ABCC5: variants seen among roughly 807,000 people sequenced by gnomAD.
ABCC5 encodes the protein ATP binding cassette subfamily C member 5.
A neutral mutation model predicts 160.9 loss-of-function variants in ABCC5; 61 were observed. The ratio of observed to expected loss-of-function variants is 0.38; its 90% CI spans 0.31 to 0.47. The LOEUF is 0.47. ABCC5 is among the 20% of genes least tolerant of loss of function. ABCC5 has a pLI of 0.99. For synonymous variants in ABCC5, 666 were observed against 700.6 expected (o/e 0.95, Z 0.78); for missense variants, 1,308 against 1,813.3 (o/e 0.72, Z 5.06).
chr3:183,947,224 T>C, intron 23 of ABCC5, 100 bp downstream of exon 23: 2 of 1,276,306 alleles, frequency 1.6e-6, no homozygotes, highest in South Asian at 1.9e-5. Context: ...AGAGGTGAAA[T>C]AATGGCTCAG....
At chr3:184,014,524 A>T in intron 1 of ABCC5, 77 bp from the exon 2 acceptor site, 3 of 764,950 alleles carry the variant, frequency 3.9e-6, no homozygotes, top group Non-Finnish European at 5.3e-6. Flanking sequence ...CCTTAAAAAT[A>T]GGAAAAAAAA....
rs1156242897 is a variant in ABCC5 at position 183,982,617 on chromosome 3, T to C, written c.833A>G (p.Asn278Ser). Residue 278 changes from asparagine (N) to serine (S), a missense_variant, in exon 7 of 30, where the codon AAC (asparagine) becomes AGC (serine). Transcript: ENST00000334444. This position sits in a 1 kb window ranked among gnomAD's most constrained non-coding sequence, Gnocchi z 5.2. ...TCTCTGCCCATCGTTGGAGCAAATG[T>C]TGATGAGCTATAAGATACAAAGAGT... ...IKEKSLGELI[N>S]ICSNDGQRMF... The C allele has an allele frequency of 1.2e-6, 2 of 1,614,174 alleles. No homozygotes were observed. The highest frequency in any genetic ancestry group is 3.3e-5 in the Admixed American group (2 of 60,020).
Position 183,963,519 on chromosome 3 carries a change from T to G in ABCC5, c.2101A>C (p.Ser701Arg). Residue 701 changes from serine to arginine, a missense_variant, in exon 15 of 30, where the codon AGT becomes CGT. By Grantham distance (110) the Ser-to-Arg change is moderately radical. Around this residue, in one of 3 missense-constraint regions of ABCC5, gnomAD observed 1,142 missense variants for 1,527.1 expected, o/e 0.75. Coordinates refer to ENST00000334444, the MANE Select transcript of ABCC5 (RefSeq NM_005688.4). This position sits in a 1 kb window ranked among gnomAD's most constrained non-coding sequence, Gnocchi z 4.6. ...TCCAGGATGTAGATGCTCCTGTCAC[T>G]ATACAAGGCCCGGGCAAGGCTGATC... ...QRISLARALY[S>R]DRSIYILDDP... 1 of 1,614,230 alleles carries G rather than the reference T, an allele frequency of 6.2e-7. No individual in the cohort carries two copies. Among genetic ancestry groups the G allele is most frequent in the Non-Finnish European group, 8.5e-7 (1 of 1,180,054 alleles).
Position 183,977,376 on chromosome 3 carries a change from C to T in ABCC5, c.1404+141G>A, listed in dbSNP as rs1718310319. The stretch of plus-strand genomic sequence containing the variant: ...CTCAATTCAGTCTCCTCCACTGCCC[C>T]CTTTTTCTTACCAACTTGCCAAAAG... On this transcript the variant is annotated intron_variant, in intron 10 of 29. Transcript: ENST00000334444. The T allele has an allele frequency of 7.1e-6, 4 of 562,482 alleles. No individual in the cohort carries two copies. The South Asian group carries it at 7.6e-5, about 11-fold the overall frequency. 34.8% of individuals were successfully genotyped at this position (562,482 alleles called of 1,614,324 possible).
Position 183,993,461 on chromosome 3 carries a change from G to A in ABCC5, c.130-4078C>T, listed in dbSNP as rs1006646021. Reference sequence around the variant, plus strand: ...ATTGTGCCACTGCACTCCAGCCTGGGTGACAGAGCAAGACCCTGTCTCAAA... The same window carrying A: ...ATTGTGCCACTGCACTCCAGCCTGGATGACAGAGCAAGACCCTGTCTCAAA... On this transcript the variant is annotated intron_variant, in intron 2 of 29. Transcript: ENST00000334444. 9.2e-5 allele frequency among the ~76,000 whole-genome samples: 13 copies of A among 141,410 alleles called. No homozygotes were observed. In the South Asian group the frequency reaches 2.9e-3, roughly 32 times the overall value. 92.8% of individuals were successfully genotyped at this position (141,410 alleles called of 152,430 possible). A position where few individuals can be genotyped will look rare whatever the true frequency, so the allele number is the denominator to read the frequency against.
intron 17 of ABCC5, among the ~76,000 whole-genome samples, chr3:183,955,522 G>A (rs1715793424): frequency 6.6e-6 from 1 of 152,250 alleles, no homozygotes; most frequent in Admixed American, 6.5e-5. Flanking sequence ...GCAGGGCACA[G>A]AATTTAATTT....
rs531047220 is a variant in ABCC5, at chr3:183,951,722, G to A, written c.2814+135C>T. 9.6e-6 allele frequency: 14 copies of A among 1,459,436 alleles called. No individual in the cohort carries two copies. The highest frequency in any genetic ancestry group is 4.6e-5 in the East Asian group (2 of 43,734). 90.4% of individuals were successfully genotyped at this position (1,459,436 alleles called of 1,614,324 possible). ...CAAGTGAGAAAAGGTGGAGGCTAAC[G>A]GAATATGAGTCATCTCAGCCAGGGC... On this transcript the variant is annotated intron_variant, in intron 19 of 29. Transcript: ENST00000334444. This position sits in a 1 kb window ranked among gnomAD's most constrained non-coding sequence, Gnocchi z 4.7.
In ABCC5 at chr3:183,921,460, G is replaced by A; in HGVS notation, c.4213-59C>T. ...TCTGGGTCATGCAGGGTGATTCAGA[G>A]GATCCACGGCTCAGTAAGTGCCAGT... On this transcript the variant is annotated intron_variant, in intron 29 of 29. Transcript: ENST00000334444. The surrounding 1 kb of genome is among the most constrained non-coding windows in gnomAD (Gnocchi z 4.1). The A allele has an allele frequency of 3.3e-6, 5 of 1,534,046 alleles. No individual in the cohort carries two copies. The highest frequency in any genetic ancestry group is 4.4e-6 in the Non-Finnish European group (5 of 1,132,680).
chr3:183,952,658 G>C (rs781205658), intron 18 of ABCC5, among the ~76,000 whole-genome samples: 2 of 152,150 alleles, frequency 1.3e-5, no homozygotes, highest in Admixed American at 6.5e-5. Flanking sequence ...CGCACACGCT[G>C]TCTTGTCTCT....
In ABCC5 at chr3:183,982,847, C is replaced by T. The variant is rs767886323; in HGVS notation, c.752G>A (p.Arg251Gln). Residue 251 changes from arginine (R) to glutamine (Q), a missense_variant, in exon 6 of 30, where the codon CGG becomes CAG. By Grantham distance (43) the Arg-to-Gln change is conservative (BLOSUM62 1). Coordinates refer to ENST00000334444, the MANE Select transcript of ABCC5 (RefSeq NM_005688.4). The surrounding 1 kb of genome is among the most constrained non-coding windows in gnomAD (Gnocchi z 5.2). Reference sequence around the variant, plus strand: ...AAATGCCATGGTTAGGATGGCCCCCCGCAAGCGGACACCGGTTCGGTAATT... The same window carrying T: ...AAATGCCATGGTTAGGATGGCCCCCTGCAAGCGGACACCGGTTCGGTAATT... ...ALNYRTGVRL[R>Q]GAILTMAFKK... 7.4e-6 allele frequency: 12 copies of T among 1,614,184 alleles called. No individual in the cohort carries two copies. Among genetic ancestry groups the T allele is most frequent in the Admixed American group, 5.0e-5 (3 of 60,018 alleles).
chr3:183,996,820 C>A (rs1720326834), intron 2 of ABCC5, among the ~76,000 whole-genome samples: 2 of 152,220 alleles, frequency 1.3e-5, no homozygotes, highest in Non-Finnish European at 2.9e-5. Context: ...AAGAATCAAA[C>A]CTTGCTACTC....
rs1715590205 is a variant in ABCC5 at position 183,953,602 on chromosome 3, C to CTAT, written c.2483-335_2483-333dup. ...AAATGTGCTCAATGTGATGATAGAG[C>CTAT]TATACGCAGGGCAGCATGGGAACCC... On this transcript the variant is annotated intron_variant, in intron 17 of 29. Transcript: ENST00000334444. 3.3e-5 allele frequency among the ~76,000 whole-genome samples: 5 copies of CTAT among 152,212 alleles called. No homozygotes were observed. The South Asian group carries it at 1.0e-3, about 32-fold the overall frequency.
chr3:183,960,815 A>G (rs114374182), intron 16 of ABCC5, among the ~76,000 whole-genome samples: 2,662 of 150,632 alleles, frequency 0.018, 97 homozygotes, highest in African/African-American at 0.062. Flanking sequence ...AGATGGAATC[A>G]CGCTCTGTCA....
intron 17 of ABCC5, among the ~76,000 whole-genome samples, chr3:183,955,320 G>T (rs1335907797): frequency 6.6e-6 from 1 of 152,170 alleles, no homozygotes; most frequent in Non-Finnish European, 1.5e-5. Flanking sequence ...GTATCTTACA[G>T]CTACAAAGAG....
chr3:183,965,284 G>T, intron 13 of ABCC5, 27 bp from the exon 14 acceptor site: 1 of 1,614,218 alleles, frequency 6.2e-7, no homozygotes, highest in South Asian at 1.1e-5. Flanking sequence ...GACAGCGTCA[G>T]GGACACGGCG....
intron 5 of ABCC5, chr3:183,984,080 G>A: frequency 1.0e-6 from 1 of 985,340 alleles, no homozygotes; most frequent in Non-Finnish European, 1.2e-6. Flanking sequence ...AGACCTTGCT[G>A]CTAAGGAAAG....
chr3:183,976,524 G>A (rs1030678288), intron 10 of ABCC5, among the ~76,000 whole-genome samples: 4 of 152,072 alleles, frequency 2.6e-5, no homozygotes, highest in Non-Finnish European at 5.9e-5. Context: ...CAAAGAGCTG[G>A]GATTACAGGT....
At chr3:183,999,223 C>T (rs1378989858) in intron 2 of ABCC5, among the ~76,000 whole-genome samples, 1 of 151,722 alleles carries the variant, frequency 6.6e-6, no homozygotes, top group Non-Finnish European at 1.5e-5. Flanking sequence ...CCTCTCTAGG[C>T]TTCCTAAAAA....
chr3:183,959,742 G>T lies in ABCC5; in HGVS notation c.2473C>A (p.Pro825Thr). Residue 825 changes from proline (P) to threonine (T), a missense_variant, in exon 17 of 30, where the codon CCA becomes ACA. Physicochemically the swap from Pro to Thr is conservative, Grantham distance 38 (BLOSUM62 -1). Transcript: ENST00000334444. ...CAAAAAAGGCCATTACCTTCCTCTG[G>T]CTTTACTGCTTTTTCCTTCTTTACT... ...GSVKKEKAVK[P>T]EEGQLVQLEE... The T allele has an allele frequency of 6.2e-7, 1 of 1,608,418 alleles. No homozygotes were observed. Among genetic ancestry groups the T allele is most frequent in the South Asian group, 1.1e-5 (1 of 89,550 alleles).
Sources: allele counts gnomAD v4.1 joint callset (sites outside exome capture counted in the v4.1 genomes callset), GRCh38; gene constraint gnomAD v4.1.1; regional missense constraint gnomAD v4.1.1; non-coding constraint Gnocchi (gnomAD v3.1); transcripts MANE v1.5; gene names NCBI Gene and HGNC (gene_info 2026-07-23, HGNC 2026-07-21).